KCNK1: variants seen among roughly 807,000 people sequenced by gnomAD.
KCNK1 encodes the protein potassium two pore domain channel subfamily K member 1, also known as potassium channel subfamily K member 1.
Under a neutral mutation model 22.2 loss-of-function variants are expected in KCNK1, and 10 were observed. The ratio of observed to expected loss-of-function variants is 0.45; its 90% confidence interval spans 0.28 to 0.76. The LOEUF (loss-of-function observed/expected upper bound fraction) is 0.76, where lower values mean the gene tolerates loss of function less well. Among genes scored for constraint, KCNK1 ranks in the 30% least tolerant of loss-of-function variants. KCNK1 has a pLI of 0.14. For synonymous variants in KCNK1, 200 were observed against 186.4 expected, an observed-to-expected ratio of 1.07 and a Z score of -0.60; for missense variants, 378 against 421.0, an observed-to-expected ratio of 0.90 and a Z score of 0.89.
chr1:233,636,934 C>A (rs542867818), intron 1 of KCNK1, among the ~76,000 whole-genome samples: 1 of 152,066 alleles, frequency 6.6e-6, no homozygotes, highest in African/African-American at 2.4e-5. Context: ...TGGTGGCTCA[C>A]GCCTGTAATC....
intron 2 of KCNK1, among the ~76,000 whole-genome samples, chr1:233,667,284 C>G (rs1658508365): frequency 6.6e-6 from 1 of 152,156 alleles, no homozygotes; most frequent in South Asian, 2.1e-4. Flanking sequence ...GAGAAGTTTT[C>G]CGAATTTACC....
In KCNK1 at chr1:233,671,390, G is replaced by C. The variant is rs751441096; in HGVS notation, c.871G>C (p.Val291Leu). ...YVKKDKDEDQ[V>L]HIIEHDQLSF... ...GAAGAAGGACAAGGACGAGGATCAG[G>C]TGCACATCATAGAGCATGACCAACT... Residue 291 changes from valine to leucine, a missense_variant, in exon 3 of 3, where the codon GTG becomes CTG. Val to Leu is a conservative substitution (Grantham distance 32, BLOSUM62 1). Coordinates refer to ENST00000366621, the MANE Select transcript of KCNK1 (RefSeq NM_002245.4). The C allele has an allele frequency of 1.9e-5, 31 of 1,614,074 alleles. No individual in the cohort carries two copies. The highest frequency in any genetic ancestry group is 2.5e-5 in the Non-Finnish European group (30 of 1,180,048).
At chr1:233,652,615 A>G (rs773435785) in intron 1 of KCNK1, among the ~76,000 whole-genome samples, 1 of 152,202 alleles carries the variant, frequency 6.6e-6, no homozygotes, top group Non-Finnish European at 1.5e-5. Flanking sequence ...ACAAGAGTTA[A>G]CAAGTAACAA....
chr1:233,661,010 A>G (rs1350640378), intron 1 of KCNK1, among the ~76,000 whole-genome samples: 1 of 152,218 alleles, frequency 6.6e-6, no homozygotes, highest in Non-Finnish European at 1.5e-5. Context: ...AGTAGAAATA[A>G]CAACTCTAGG....
chr1:233,649,142 T>G (rs1658154717), intron 1 of KCNK1, among the ~76,000 whole-genome samples: 1 of 152,208 alleles, frequency 6.6e-6, no homozygotes, highest in Non-Finnish European at 1.5e-5. Context: ...ATAGATGGTG[T>G]GATCACATTT....
rs1658617514 is a variant in KCNK1 at position 233,672,404 on chromosome 1, A to C, written c.*874A>C. ...ACATTGTGATTTGCAGCCACCTAGCACTAAAGCATAGAACTTAAACACGAA... is the reference window on the plus strand; with the variant it reads ...ACATTGTGATTTGCAGCCACCTAGCCCTAAAGCATAGAACTTAAACACGAA... On this transcript the variant is annotated 3_prime_UTR_variant, in exon 3 of 3. Transcript: ENST00000366621. 1 of 151,838 alleles carries C rather than the reference A, an allele frequency of 6.6e-6. No individual in the cohort carries two copies. Among genetic ancestry groups the C allele is most frequent in the African/African-American group, 2.4e-5 (1 of 41,368 alleles). 9.4% of individuals were successfully genotyped at this position (151,838 alleles called of 1,614,324 possible). A position where few individuals can be genotyped will look rare whatever the true frequency, so the allele number is the denominator to read the frequency against.
rs1658596314 is a variant in KCNK1 at position 233,671,461 on chromosome 1, C to T, written c.942C>T (p.Asp314=). The change falls in exon 3 of 3, where the codon GAC becomes GAT. Residue 314 remains aspartate, a synonymous_variant. Transcript: ENST00000366621. ...ACCAGGCAGCTGGCATGAAAGAGGA[C>T]CAGAAGCAAAATGAGCCTTTTGTGG... is the stretch of plus-strand genomic sequence containing the variant. ...ITDQAAGMKE[D]QKQNEPFVAT... is the part of the protein sequence containing the mutation. 6.2e-7 allele frequency: 1 copy of T among 1,614,038 alleles called. No individual in the cohort carries two copies. The highest frequency in any genetic ancestry group is 1.7e-5 in the Admixed American group (1 of 59,996).
At chr1:233,618,842 C>T (rs940418305) in intron 1 of KCNK1, among the ~76,000 whole-genome samples, 5 of 152,122 alleles carry the variant, frequency 3.3e-5, no homozygotes, top group Non-Finnish European at 7.3e-5. Flanking sequence ...CAAGATTGCA[C>T]CACTGTACTC....
At chr1:233,627,638 G>C (rs915929142) in intron 1 of KCNK1, among the ~76,000 whole-genome samples, 1 of 152,144 alleles carries the variant, frequency 6.6e-6, no homozygotes, top group Non-Finnish European at 1.5e-5. Context: ...GTGCGGATGA[G>C]CTGAGCCGTT....
chr1:233,648,321 G>A (rs577093088), intron 1 of KCNK1, among the ~76,000 whole-genome samples: 1 of 152,122 alleles, frequency 6.6e-6, no homozygotes, highest in South Asian at 2.1e-4. Flanking sequence ...GGTTATTTTC[G>A]AACATATACA....
intron 1 of KCNK1, among the ~76,000 whole-genome samples, chr1:233,665,363 G>A (rs1387962781): frequency 6.6e-6 from 1 of 152,178 alleles, no homozygotes; most frequent in Non-Finnish European, 1.5e-5. Context: ...ACAAAAGCCA[G>A]GAGCTGCATG....
Position 233,614,152 on chromosome 1 carries a change from T to TGGCTTTGGCTTTGGC in KCNK1, c.-17_-16insTTTGGCTTTGGCGGC. 1.3e-6 allele frequency: 2 copies of TGGCTTTGGCTTTGGC among 1,569,358 alleles called. No homozygotes were observed. The highest frequency in any genetic ancestry group is 1.7e-6 in the Non-Finnish European group (2 of 1,163,132). The stretch of plus-strand genomic sequence containing the variant: ...TCCGGCCGGTCTGCGGCGTTGGCCT[T>TGGCTTTGGCTTTGGC]GGCGGCGGCGGTGGAGAAGATGCTG... On this transcript the variant is annotated 5_prime_UTR_variant, in exon 1 of 3. Coordinates refer to ENST00000366621, the MANE Select transcript of KCNK1 (RefSeq NM_002245.4).
chr1:233,662,232 TCTTCTC>T (rs938246520), intron 1 of KCNK1, among the ~76,000 whole-genome samples: 2 of 125,534 alleles, frequency 1.6e-5, no homozygotes, highest in African/African-American at 3.1e-5. Context: ...TGCTTCTTCT[TCTTCTC>T]CTTCTTCTTC....
At chr1:233,628,986 T>C (rs972634647) in intron 1 of KCNK1, among the ~76,000 whole-genome samples, 1 of 152,118 alleles carries the variant, frequency 6.6e-6, no homozygotes, top group African/African-American at 2.4e-5. Flanking sequence ...TAGATTTCGG[T>C]TGCTTCAGCT....
Position 233,659,811 on chromosome 1 carries a change from G to A in KCNK1, c.356-6784G>A, listed in dbSNP as rs1245023221. Among the ~76,000 whole-genome samples, 10 of 152,196 alleles carry A rather than the reference G, an allele frequency of 6.6e-5. No homozygotes were observed. In the East Asian group the frequency reaches 1.4e-3, roughly 21 times the overall value. On this transcript the variant is annotated intron_variant, in intron 1 of 2. Transcript: ENST00000366621. ...TATGTGGTACATTGACTACACTGCCGGCAAGCTCCTATTTAAGTAAACAAA... is the reference window on the plus strand; with the variant it reads ...TATGTGGTACATTGACTACACTGCCAGCAAGCTCCTATTTAAGTAAACAAA...
At chr1:233,619,769 G>T (rs1165248935) in intron 1 of KCNK1, among the ~76,000 whole-genome samples, 1 of 152,056 alleles carries the variant, frequency 6.6e-6, no homozygotes, top group Non-Finnish European at 1.5e-5. Flanking sequence ...AATTAGCCAG[G>T]CGTGGTGGTG....
At chr1:233,640,564 A>T (rs1223584363) in intron 1 of KCNK1, among the ~76,000 whole-genome samples, 1 of 152,256 alleles carries the variant, frequency 6.6e-6, no homozygotes, top group Non-Finnish European at 1.5e-5. Context: ...TTTCCCTGTG[A>T]TGGAACTTTG....
rs1238893450 is a variant in KCNK1, at chr1:233,671,442, C to A, written c.923C>A (p.Ala308Glu). The change falls in exon 3 of 3, where the codon GCA becomes GAA. Residue 308 changes from alanine (A) to glutamate (E), a missense_variant. Transcript: ENST00000366621. ...TCCTTCTCCTCGATCACAGACCAGG[C>A]AGCTGGCATGAAAGAGGACCAGAAG... ...QLSFSSITDQ[A>E]AGMKEDQKQN... 5 of 1,614,038 alleles carry A rather than the reference C, an allele frequency of 3.1e-6. No individual in the cohort carries two copies. In the South Asian group the frequency reaches 4.4e-5, roughly 14 times the overall value.
At chr1:233,629,398 A>T (rs933558656) in intron 1 of KCNK1, among the ~76,000 whole-genome samples, 1 of 152,036 alleles carries the variant, frequency 6.6e-6, no homozygotes, top group Non-Finnish European at 1.5e-5. Context: ...AAGGAAAGGG[A>T]CATATACTCA....
Sources: gnomAD v4.1 joint callset for allele counts (sites outside exome capture counted in the v4.1 genomes callset) on GRCh38, gnomAD v4.1.1 for gene constraint, MANE v1.5 for transcripts, NCBI Gene and HGNC (gene_info 2026-07-23, HGNC 2026-07-21) for gene names.